Variants in CSMD1 observed in about 807,000 individuals in gnomAD.
CSMD1 encodes CUB and Sushi multiple domains 1, also known as CUB and sushi domain-containing protein 1.
In CSMD1, 213 loss-of-function variants were observed where a neutral mutation model predicts 417.5. The observed-to-expected ratio is 0.51, with a 90% CI of 0.46 to 0.57. CSMD1 has a LOEUF of 0.57. Ranked by LOEUF, CSMD1 falls within the 20% of genes least tolerant of loss-of-function variation. The probability of loss-of-function intolerance (pLI) is 0.00; values close to 1 mark genes in which losing one functional copy is unlikely to be tolerated. For missense variants in CSMD1, 6,923 were observed against 4,529.7 expected (o/e 1.53, Z -15.17); for synonymous variants, 2,862 against 1,736.8 (o/e 1.65, Z -16.11).
At chr8:4,193,334 A>G (rs1276966863) in intron 3 of CSMD1, among the ~76,000 whole-genome samples, 3 of 151,568 alleles carry the variant, frequency 2.0e-5, no homozygotes, top group Admixed American at 6.6e-5. Context: ...ACGTCCTCCA[A>G]TAAAAAAAAT....
chr8:3,107,463 G>T (rs1226718148), intron 45 of CSMD1, among the ~76,000 whole-genome samples: 3 of 151,994 alleles, frequency 2.0e-5, no homozygotes, highest in Admixed American at 6.6e-5. Context: ...GGAAAAAAAT[G>T]TTCAAACTGA....
At chr8:4,069,674 T>C (rs982396069) in intron 3 of CSMD1, among the ~76,000 whole-genome samples, 1 of 152,144 alleles carries the variant, frequency 6.6e-6, no homozygotes, top group African/African-American at 2.4e-5. Flanking sequence ...TTTCTCCGAC[T>C]GGATTGCATT....
chr8:4,260,414 T>A (rs1357865776), intron 3 of CSMD1, among the ~76,000 whole-genome samples: 1 of 152,208 alleles, frequency 6.6e-6, no homozygotes, highest in African/African-American at 2.4e-5. Context: ...AAATTATACT[T>A]TTATTAATAT....
At chr8:4,991,473 C>G (rs1022981126) in intron 1 of CSMD1, among the ~76,000 whole-genome samples, 1 of 152,224 alleles carries the variant, frequency 6.6e-6, no homozygotes, top group Non-Finnish European at 1.5e-5. Flanking sequence ...CACGACTCCG[C>G]AAACAGGTCA....
chr8:3,981,492 G>C (rs1407823322), intron 5 of CSMD1, among the ~76,000 whole-genome samples: 3 of 41,088 alleles, frequency 7.3e-5, no homozygotes, highest in African/African-American at 1.9e-4. Flanking sequence ...ATAACTTATA[G>C]AAAAAAGTAA....
chr8:4,592,304 G>T (rs747652888), intron 2 of CSMD1, among the ~76,000 whole-genome samples: 1 of 151,594 alleles, frequency 6.6e-6, no homozygotes, highest in Non-Finnish European at 1.5e-5. Context: ...ATTTACAGTG[G>T]TAATTGGAAT....
chr8:3,072,410 A>T (rs1813382875), intron 49 of CSMD1, among the ~76,000 whole-genome samples: 1 of 152,324 alleles, frequency 6.6e-6, no homozygotes, highest in Admixed American at 6.5e-5. Context: ...AAGCTTCAGA[A>T]TTTTTTTAAA....
At chr8:3,293,326 G>C (rs1803717878) in intron 25 of CSMD1, among the ~76,000 whole-genome samples, 1 of 152,222 alleles carries the variant, frequency 6.6e-6, no homozygotes, top group East Asian at 1.9e-4. Flanking sequence ...TTCTCGAGGA[G>C]TATCTTTGTG....
intron 1 of CSMD1, among the ~76,000 whole-genome samples, chr8:4,668,986 A>C (rs1202746273): frequency 6.6e-6 from 1 of 152,096 alleles, no homozygotes; most frequent in East Asian, 1.9e-4. Context: ...TTGGTTTCTT[A>C]GGTGTCTAAT....
intron 26 of CSMD1, among the ~76,000 whole-genome samples, chr8:3,258,863 T>G (rs1175182458): frequency 6.6e-6 from 1 of 152,204 alleles, no homozygotes; most frequent in Non-Finnish European, 1.5e-5. Flanking sequence ...ATACTGCATG[T>G]TTTCATTTAT....
rs547496752 is a variant in CSMD1, at chr8:3,457,438, G to A, written c.1561+11274C>T. Among the ~76,000 whole-genome samples, 4 of 152,296 alleles carry A rather than the reference G, an allele frequency of 2.6e-5. No individual in the cohort carries two copies. In the South Asian group the frequency reaches 6.2e-4, roughly 24 times the overall value. On this transcript the variant is annotated intron_variant, in intron 12 of 69. Transcript: ENST00000635120. ...TCCCTTTCCCAAGAGAAAAGCAGAAGAAACGGAGCTCCACATGCTCACATG... is the reference window on the plus strand; with the variant it reads ...TCCCTTTCCCAAGAGAAAAGCAGAAAAAACGGAGCTCCACATGCTCACATG...
chr8:3,583,995 C>T (rs2116987556), intron 9 of CSMD1, among the ~76,000 whole-genome samples: 1 of 151,968 alleles, frequency 6.6e-6, no homozygotes, highest in Admixed American at 6.6e-5. Flanking sequence ...CTAACTGAGT[C>T]AACACTAGTA....
At chr8:3,883,822 C>A (rs897482084) in intron 5 of CSMD1, among the ~76,000 whole-genome samples, 18 of 152,042 alleles carry the variant, frequency 1.2e-4, no homozygotes, top group African/African-American at 4.3e-4. Context: ...AACTACTGAT[C>A]AGAGGAATGA....
chr8:3,434,845 C>G (rs1308580285), intron 12 of CSMD1, among the ~76,000 whole-genome samples: 1 of 152,164 alleles, frequency 6.6e-6, no homozygotes, highest in South Asian at 2.1e-4. Flanking sequence ...CAGGAAGTGG[C>G]ACACTCAAAT....
chr8:3,265,323 A>G (rs1476012674), intron 26 of CSMD1, among the ~76,000 whole-genome samples: 5 of 152,222 alleles, frequency 3.3e-5, no homozygotes, highest in Non-Finnish European at 5.9e-5. Context: ...AGTGCGAAGT[A>G]TGTATGACCT....
intron 25 of CSMD1, among the ~76,000 whole-genome samples, chr8:3,291,040 G>T (rs1031687481): frequency 3.3e-5 from 5 of 152,150 alleles, no homozygotes; most frequent in Non-Finnish European, 7.3e-5. Context: ...ATGAAGGGTT[G>T]TTGAATTTTG....
rs1383120036 is a variant in CSMD1 at position 4,503,982 on chromosome 8, AAAG to A, written c.303-83920_303-83918del. ...TACTTGCATATTCAAAAAAAAAAAAAAAGAAAAAAAAAGGAAATCAGGATGTCA... is the reference window on the plus strand; with the variant it reads ...TACTTGCATATTCAAAAAAAAAAAAAAAAAAAAAAGGAAATCAGGATGTCA... On this transcript the variant is annotated intron_variant, in intron 2 of 69. Coordinates refer to ENST00000635120, the MANE Select transcript of CSMD1 (RefSeq NM_033225.6). Among the ~76,000 whole-genome samples, 39 of 151,966 alleles carry A rather than the reference AAAG, an allele frequency of 2.6e-4. No individual in the cohort carries two copies. In the South Asian group the frequency reaches 7.3e-3, roughly 28 times the overall value.
At chr8:3,800,166 A>T (rs910426459) in intron 5 of CSMD1, among the ~76,000 whole-genome samples, 2 of 152,144 alleles carry the variant, frequency 1.3e-5, no homozygotes, top group Non-Finnish European at 2.9e-5. Flanking sequence ...AAAGAACAAA[A>T]ATCAGTGGCT....
At chr8:4,668,425 A>G (rs1335040230) in intron 1 of CSMD1, among the ~76,000 whole-genome samples, 6 of 137,264 alleles carry the variant, frequency 4.4e-5, no homozygotes, top group African/African-American at 1.7e-4. Context: ...CATTATTATT[A>G]TTATTATTAT....
Sources: gnomAD v4.1 joint callset for allele counts (sites outside exome capture counted in the v4.1 genomes callset) on GRCh38, gnomAD v4.1.1 for gene constraint, MANE v1.5 for transcripts, NCBI Gene and HGNC (gene_info 2026-07-23, HGNC 2026-07-21) for gene names.